AUTS2: variants seen among roughly 807,000 people sequenced by gnomAD.
AUTS2 encodes activator of transcription and developmental regulator AUTS2.
Under a neutral mutation model 112.4 loss-of-function variants are expected in AUTS2, and 17 were observed. That is an observed-to-expected ratio of 0.15 (90% CI 0.10 to 0.23). The LOEUF is 0.23. AUTS2 is among the 10% of genes least tolerant of loss of function. The pLI is 1.00. For missense variants in AUTS2, 1,510 were observed against 1,701.6 expected (o/e 0.89, Z 1.98); for synonymous variants, 751 against 702.7 (o/e 1.07, Z -1.09).
chr7:70,056,374 G>A (rs1004178890), intron 2 of AUTS2, among the ~76,000 whole-genome samples: 2 of 152,080 alleles, frequency 1.3e-5, no homozygotes, highest in African/African-American at 4.8e-5. Context: ...TCATTCTGAG[G>A]GGGGTTTTCT....
intron 4 of AUTS2, among the ~76,000 whole-genome samples, chr7:70,310,095 A>G (rs1789666769): frequency 6.6e-6 from 1 of 151,578 alleles, no homozygotes; most frequent in South Asian, 2.1e-4. Flanking sequence ...TAAATAACTG[A>G]TTGAAATGTG....
chr7:69,967,879 C>T (rs1050999371), intron 2 of AUTS2, among the ~76,000 whole-genome samples: 2 of 152,172 alleles, frequency 1.3e-5, no homozygotes, highest in African/African-American at 4.8e-5. Context: ...ATGGGCTCCT[C>T]TGGCCACTTG....
intron 1 of AUTS2, among the ~76,000 whole-genome samples, chr7:69,898,584 C>T (rs185229858): frequency 1.3e-5 from 2 of 152,162 alleles, no homozygotes; most frequent in East Asian, 3.8e-4. Flanking sequence ...AAATGCTTAC[C>T]TGTAGTTTCT....
At chr7:70,306,546 T>G (rs1348716039) in intron 4 of AUTS2, among the ~76,000 whole-genome samples, 1 of 152,216 alleles carries the variant, frequency 6.6e-6, no homozygotes, top group Non-Finnish European at 1.5e-5. Flanking sequence ...TATTGTATTG[T>G]CTATTGAAGT....
chr7:70,558,559 A>C (rs1485249917), intron 5 of AUTS2, among the ~76,000 whole-genome samples: 1 of 152,208 alleles, frequency 6.6e-6, no homozygotes, highest in African/African-American at 2.4e-5. Flanking sequence ...CAAGTGTGGG[A>C]AACTTGTATG....
At chr7:70,540,543 T>C (rs1179239620) in intron 5 of AUTS2, among the ~76,000 whole-genome samples, 4 of 152,198 alleles carry the variant, frequency 2.6e-5, no homozygotes, top group Admixed American at 2.6e-4. Context: ...TCAGGGCTCC[T>C]TGGTGCAGGA....
At chr7:69,909,060 T>G (rs747723573) in intron 2 of AUTS2, among the ~76,000 whole-genome samples, 74 of 152,220 alleles carry the variant, frequency 4.9e-4, no homozygotes, top group Non-Finnish European at 9.8e-4. Flanking sequence ...TACTTATTTT[T>G]TATTTTCAAT....
At chr7:69,921,717 A>C (rs1795822103) in intron 2 of AUTS2, among the ~76,000 whole-genome samples, 1 of 146,300 alleles carries the variant, frequency 6.8e-6, no homozygotes, top group Non-Finnish European at 1.5e-5. Flanking sequence ...AGCCGAGATC[A>C]CACCACTGCA....
At chr7:70,580,999 C>A (rs930218474) in intron 5 of AUTS2, among the ~76,000 whole-genome samples, 4 of 152,072 alleles carry the variant, frequency 2.6e-5, no homozygotes, top group Admixed American at 2.0e-4. Flanking sequence ...AATCCCAGCA[C>A]TTTGGGAGGC....
chr7:69,706,532 C>CT (rs1161412815), intron 1 of AUTS2, among the ~76,000 whole-genome samples: 1 of 152,184 alleles, frequency 6.6e-6, no homozygotes, highest in Non-Finnish European at 1.5e-5. Flanking sequence ...AACACCTTGC[C>CT]TGGCATCTAG....
chr7:70,481,908 A>G (rs1797803374), intron 5 of AUTS2, among the ~76,000 whole-genome samples: 1 of 152,130 alleles, frequency 6.6e-6, no homozygotes. Context: ...AGTGCTCTAT[A>G]CTGCACTCTA....
chr7:70,171,894 G>GTT (rs11295400), intron 4 of AUTS2, among the ~76,000 whole-genome samples: 2 of 145,614 alleles, frequency 1.4e-5, no homozygotes, highest in Admixed American at 6.8e-5. Flanking sequence ...TTATAAACAA[G>GTT]TTTTTTTTTT....
chr7:70,563,251 G>A (rs957845015), intron 5 of AUTS2, among the ~76,000 whole-genome samples: 5 of 152,130 alleles, frequency 3.3e-5, no homozygotes, highest in Non-Finnish European at 4.4e-5. Flanking sequence ...GTCCTCCCTC[G>A]TAGTGAGGGT....
At chr7:70,192,805 C>T (rs950148408) in intron 4 of AUTS2, among the ~76,000 whole-genome samples, 5 of 152,150 alleles carry the variant, frequency 3.3e-5, no homozygotes, top group African/African-American at 1.2e-4. Flanking sequence ...GCTGATGCTT[C>T]GAATGGAATT....
intron 1 of AUTS2, among the ~76,000 whole-genome samples, chr7:69,700,022 A>C (rs952310414): frequency 6.6e-6 from 1 of 152,190 alleles, no homozygotes; most frequent in Admixed American, 6.5e-5. Context: ...GTGAATGTGC[A>C]TTTGTAATTT....
chr7:69,650,492 A>C (rs1299034739), intron 1 of AUTS2, among the ~76,000 whole-genome samples: 1 of 152,150 alleles, frequency 6.6e-6, no homozygotes, highest in Non-Finnish European at 1.5e-5. Context: ...GTGGATTACC[A>C]GTGGGTTATT....
intron 4 of AUTS2, among the ~76,000 whole-genome samples, chr7:70,394,642 T>C (rs1794005384): frequency 6.6e-6 from 1 of 152,186 alleles, no homozygotes; most frequent in African/African-American, 2.4e-5. Flanking sequence ...CAGAGGAGAT[T>C]GACCACTGTG....
intron 6 of AUTS2, among the ~76,000 whole-genome samples, chr7:70,741,665 T>C (rs1358483617): frequency 1.4e-5 from 2 of 147,662 alleles, no homozygotes. Context: ...CACTCCAGCC[T>C]GAGCAACAAG....
At chr7:70,498,933 G>A (rs997556693) in intron 5 of AUTS2, among the ~76,000 whole-genome samples, 3 of 152,198 alleles carry the variant, frequency 2.0e-5, no homozygotes, top group South Asian at 2.1e-4. Flanking sequence ...GTGAAGAGAC[G>A]CAGGGCAGCC....
Sources: allele counts gnomAD v4.1 joint callset (sites outside exome capture counted in the v4.1 genomes callset), GRCh38; gene constraint gnomAD v4.1.1; transcripts MANE v1.5; gene names NCBI Gene and HGNC (gene_info 2026-07-23, HGNC 2026-07-21).